Variants in SH2D4A observed in about 807,000 individuals in gnomAD.
The protein encoded by SH2D4A is SH2 domain containing 4A, also known as SH2 domain-containing protein 4A.
SH2D4A carries 70 observed loss-of-function variants against 64.7 expected under a neutral mutation model. The observed-to-expected ratio is 1.08, with a 90% CI of 0.89 to 1.32. SH2D4A has a LOEUF of 1.32. SH2D4A is among the 40% of genes most tolerant of loss of function. SH2D4A has a pLI of 0.00. For synonymous variants in SH2D4A, 268 were observed against 200.7 expected (o/e 1.34, Z -2.83); for missense variants, 706 against 540.1 (o/e 1.31, Z -3.04).
At chr8:19,333,993 G>A (rs1022248555) in intron 3 of SH2D4A, among the ~76,000 whole-genome samples, 1 of 152,146 alleles carries the variant, frequency 6.6e-6, no homozygotes, top group Admixed American at 6.5e-5. Flanking sequence ...TTCTCTGGAC[G>A]GTGAGGTTTT....
intron 8 of SH2D4A, among the ~76,000 whole-genome samples, chr8:19,386,971 A>T (rs949567389): frequency 3.3e-5 from 5 of 151,488 alleles, no homozygotes; most frequent in African/African-American, 7.3e-5. Flanking sequence ...CTTTGTAGAG[A>T]TGGGGTCTTG....
chr8:19,319,420 C>T lies in SH2D4A; in HGVS notation c.-128C>T, dbSNP rs2052146273. On this transcript the variant is annotated 5_prime_UTR_variant, in exon 2 of 10. Coordinates refer to ENST00000265807, the MANE Select transcript of SH2D4A (RefSeq NM_022071.4). The stretch of plus-strand genomic sequence containing the variant: ...CAGTTTGCTGAATTATTGTCCCAGT[C>T]AGCCAGGATTGTGAGCTGTTTGGGA... The T allele has an allele frequency of 2.3e-6, 3 of 1,314,824 alleles. No individual in the cohort carries two copies. The highest frequency in any genetic ancestry group is 2.6e-5 in the South Asian group (1 of 37,994). The allele number at this position is 1,314,824 out of a possible 1,614,324, so 81.4% of individuals were successfully genotyped here. A position where few individuals can be genotyped will look rare whatever the true frequency, so the allele number is the denominator to read the frequency against.
chr8:19,313,753 C>G lies in SH2D4A; in HGVS notation c.-275C>G. 6.6e-7 allele frequency: 1 copy of G among 1,509,884 alleles called. No individual in the cohort carries two copies. The highest frequency in any genetic ancestry group is 8.8e-7 in the Non-Finnish European group (1 of 1,134,754). The allele number at this position is 1,509,884 out of a possible 1,614,324, so 93.5% of individuals were successfully genotyped here. A position where few individuals can be genotyped will look rare whatever the true frequency, so the allele number is the denominator to read the frequency against. The stretch of plus-strand genomic sequence containing the variant: ...CTCTGCCTTTCCCTCCCTCCCTTCC[C>G]CGACGGCTTCTGGCGGCCAAGTGGA... On this transcript the variant is annotated 5_prime_UTR_variant, in exon 1 of 10. Coordinates refer to ENST00000265807, the MANE Select transcript of SH2D4A (RefSeq NM_022071.4).
chr8:19,383,004 G>T (rs2053324007), intron 8 of SH2D4A, among the ~76,000 whole-genome samples: 1 of 151,460 alleles, frequency 6.6e-6, no homozygotes, highest in African/African-American at 2.4e-5. Context: ...GCCAATCTTT[G>T]TCTTTTGACA....
At chr8:19,338,706 C>T (rs914710761) in intron 4 of SH2D4A, among the ~76,000 whole-genome samples, 2 of 152,200 alleles carry the variant, frequency 1.3e-5, no homozygotes, top group Non-Finnish European at 2.9e-5. Flanking sequence ...GCTCTGTTGA[C>T]ACCTTGATGT....
chr8:19,314,918 C>T lies in SH2D4A; in HGVS notation c.-205+1095C>T, dbSNP rs967183482. 3.9e-5 allele frequency among the ~76,000 whole-genome samples: 6 copies of T among 152,236 alleles called. No homozygotes were observed. The South Asian group carries it at 1.0e-3, about 26-fold the overall frequency. On this transcript the variant is annotated intron_variant, in intron 1 of 9. Coordinates refer to ENST00000265807, the MANE Select transcript of SH2D4A (RefSeq NM_022071.4). ...CTGGTAGATGAATAAGATAAAGTTT[C>T]AATAAGAAAACAAAGTTGGACCACA...
intron 1 of SH2D4A, among the ~76,000 whole-genome samples, chr8:19,319,041 A>G (rs372628434): frequency 6.6e-6 from 1 of 151,336 alleles, no homozygotes; most frequent in African/African-American, 2.4e-5. Flanking sequence ...CTCTGGGGTA[A>G]TAATGTGTTT....
At chr8:19,334,981 T>C in intron 4 of SH2D4A, 124 bp downstream of exon 4, 1 of 1,181,188 alleles carries the variant, frequency 8.5e-7, no homozygotes, top group Non-Finnish European at 1.2e-6. Context: ...GAGAAATGCC[T>C]CCTAACTTTA....
At chr8:19,391,531 A>T (rs2053492691) in intron 8 of SH2D4A, among the ~76,000 whole-genome samples, 1 of 152,118 alleles carries the variant, frequency 6.6e-6, no homozygotes, top group Non-Finnish European at 1.5e-5. Flanking sequence ...GAGGATGTTG[A>T]CTATCTGCAA....
chr8:19,326,533 G>C (rs1343320027), intron 2 of SH2D4A, among the ~76,000 whole-genome samples: 1 of 152,162 alleles, frequency 6.6e-6, no homozygotes, highest in African/African-American at 2.4e-5. Context: ...CCTCATAGGA[G>C]GCCCTGGTGT....
In SH2D4A at chr8:19,362,424, G is replaced by A. The variant is rs569334147; in HGVS notation, c.706+1110G>A. On this transcript the variant is annotated intron_variant, in intron 6 of 9. Coordinates refer to ENST00000265807, the MANE Select transcript of SH2D4A (RefSeq NM_022071.4). ...ACAAAGTAGTCATGCGCTGTATGAT[G>A]TTTTGGTCAACGATGGGTCGCATAT... Among the ~76,000 whole-genome samples, 210 of 152,268 alleles carry A rather than the reference G, an allele frequency of 1.4e-3. 1 individual carries two copies. Among genetic ancestry groups the A allele is most frequent in the African/African-American group, 4.8e-3 (201 of 41,550 alleles).
chr8:19,354,832 A>G lies in SH2D4A; in HGVS notation c.514-2371A>G, dbSNP rs577788399. ...TGAATACATGGATTAGAAGATAACCATCAGATGCCTATTAGCTTAATGCTA... is the reference window on the plus strand; with the variant it reads ...TGAATACATGGATTAGAAGATAACCGTCAGATGCCTATTAGCTTAATGCTA... On this transcript the variant is annotated intron_variant, in intron 4 of 9. Transcript: ENST00000265807. 2.1e-4 allele frequency among the ~76,000 whole-genome samples: 32 copies of G among 152,340 alleles called. No individual in the cohort carries two copies. In the East Asian group the frequency reaches 5.8e-3, roughly 28 times the overall value.
At chr8:19,360,289 T>G (rs1350104816) in intron 5 of SH2D4A, among the ~76,000 whole-genome samples, 1 of 150,996 alleles carries the variant, frequency 6.6e-6, no homozygotes, top group Admixed American at 6.6e-5. Context: ...TGAAAAATAT[T>G]TTTCTGTTTT....
chr8:19,394,430 C>G (rs1183349323), intron 9 of SH2D4A, 120 bp from the exon 10 acceptor site: 13 of 651,550 alleles, frequency 2.0e-5, no homozygotes, highest in Admixed American at 1.1e-4. Context: ...TTAAGATGAT[C>G]ATAAACCACA....
intron 8 of SH2D4A, among the ~76,000 whole-genome samples, chr8:19,389,103 C>T (rs1279092362): frequency 2.0e-5 from 3 of 152,162 alleles, no homozygotes; most frequent in Admixed American, 6.5e-5. Flanking sequence ...GATCAGGACA[C>T]GTCATGTTCT....
At chr8:19,338,670 C>A (rs1284911408) in intron 4 of SH2D4A, among the ~76,000 whole-genome samples, 1 of 152,206 alleles carries the variant, frequency 6.6e-6, no homozygotes, top group East Asian at 1.9e-4. Flanking sequence ...GAATCGGATT[C>A]TCTTTAAGTC....
Position 19,361,197 on chromosome 8 carries a change from A to C in SH2D4A, c.595-6A>C. On this transcript the variant is annotated splice_polypyrimidine_tract_variant and splice_region_variant and intron_variant, in intron 5 of 9. Coordinates refer to ENST00000265807, the MANE Select transcript of SH2D4A (RefSeq NM_022071.4). ...TTTTGTTTTTTTTTGTTTTGTTTTTAAACAGAAGAAAGAATCTATGAAGAA... is the reference window on the plus strand; with the variant it reads ...TTTTGTTTTTTTTTGTTTTGTTTTTCAACAGAAGAAAGAATCTATGAAGAA... 6.9e-7 allele frequency: 1 copy of C among 1,456,602 alleles called. No homozygotes were observed. 90.2% of individuals were successfully genotyped at this position (1,456,602 alleles called of 1,614,324 possible). A position where few individuals can be genotyped will look rare whatever the true frequency, so the allele number is the denominator to read the frequency against.
chr8:19,333,235 A>G, intron 3 of SH2D4A, 121 bp downstream of exon 3: 1 of 1,130,332 alleles, frequency 8.8e-7, no homozygotes, highest in Non-Finnish European at 1.2e-6. Flanking sequence ...AGGGTCACAA[A>G]AGTCACTTTG....
At chr8:19,361,495 C>A (rs889239331) in intron 6 of SH2D4A, among the ~76,000 whole-genome samples, 181 bp downstream of exon 6, 3 of 152,224 alleles carry the variant, frequency 2.0e-5, no homozygotes, top group African/African-American at 7.2e-5. Context: ...TTTTGAACAG[C>A]AGACTCGTTC....
Sources: allele counts gnomAD v4.1 joint callset (sites outside exome capture counted in the v4.1 genomes callset), GRCh38; gene constraint gnomAD v4.1.1; transcripts MANE v1.5; gene names NCBI Gene and HGNC (gene_info 2026-07-23, HGNC 2026-07-21).